Variants in TNPO3 observed in about 807,000 individuals in gnomAD.
TNPO3 encodes transportin 3, also known as transportin-3.
TNPO3 carries 65 observed loss-of-function variants against 122.8 expected under a neutral mutation model. The observed-to-expected ratio is 0.53, with a 90% confidence interval of 0.43 to 0.65. The LOEUF is 0.65. Among genes scored for constraint, TNPO3 ranks in the 30% least tolerant of loss-of-function variants. The pLI, the probability that TNPO3 is intolerant of heterozygous loss-of-function variation, is 0.00. For missense variants in TNPO3, 850 were observed against 1,136.7 expected (o/e 0.75, Z 3.63); for synonymous variants, 372 against 411.2 (o/e 0.90, Z 1.15).
intron 1 of TNPO3, among the ~76,000 whole-genome samples, chr7:129,051,869 CCT>C (rs899292502): frequency 6.4e-4 from 98 of 152,180 alleles, no homozygotes; most frequent in African/African-American, 2.3e-3. Flanking sequence ...GTCTCAAACC[CCT>C]GACCTCAAGC....
intron 5 of TNPO3, among the ~76,000 whole-genome samples, chr7:129,003,834 CTAAT>C (rs927508937): frequency 2.0e-5 from 3 of 152,202 alleles, no homozygotes; most frequent in Non-Finnish European, 2.9e-5. Context: ...TCCTGGAACA[CTAAT>C]TAACTTCTTC....
chr7:128,969,980 C>T (rs78500318), intron 20 of TNPO3, among the ~76,000 whole-genome samples, 168 bp downstream of exon 20: 228 of 152,310 alleles, frequency 1.5e-3, no homozygotes, highest in African/African-American at 5.4e-3. Flanking sequence ...TAATAAATTA[C>T]TGATCTTTAC....
chr7:129,035,960 T>C (rs1396360769), intron 1 of TNPO3, among the ~76,000 whole-genome samples: 4 of 147,056 alleles, frequency 2.7e-5, no homozygotes, highest in Non-Finnish European at 4.5e-5. Context: ...CTTTTTTTTT[T>C]TTTTTTTTTT....
At chr7:128,959,984 G>A (rs754497620) in intron 21 of TNPO3, among the ~76,000 whole-genome samples, 9 of 152,062 alleles carry the variant, frequency 5.9e-5, no homozygotes, top group South Asian at 2.1e-4. Flanking sequence ...TCACACCACC[G>A]CACTTCAGCC....
At chr7:128,975,407 A>G (rs1454092169) in intron 17 of TNPO3, among the ~76,000 whole-genome samples, 1 of 152,248 alleles carries the variant, frequency 6.6e-6, no homozygotes, top group Non-Finnish European at 1.5e-5. Context: ...AGGGAAAAGC[A>G]GTATCTGAGG....
At chr7:128,970,074 G>T in intron 20 of TNPO3, 74 bp downstream of exon 20, 1 of 1,579,482 alleles carries the variant, frequency 6.3e-7, no homozygotes, top group East Asian at 2.2e-5. Flanking sequence ...TTCAAAATTA[G>T]GGTTGGCCTT....
intron 15 of TNPO3, among the ~76,000 whole-genome samples, chr7:128,979,457 C>A (rs1459583596): frequency 6.6e-6 from 1 of 152,120 alleles, no homozygotes; most frequent in African/African-American, 2.4e-5. Context: ...AAAGATAGTT[C>A]CTGGAAGGTG....
chr7:128,957,304 C>T lies in TNPO3; in HGVS notation c.2723G>A (p.Cys908Tyr). Reference protein sequence around the residue: ...FHKQVTSAEECKQVCWALRDF... With the variant: ...FHKQVTSAEEYKQVCWALRDF... ...TCGCAAGGCCCAGCAAACTTGTTTA[C>T]ATTCCTCAGCACTAGAAAAGAAAAG... The change falls in exon 22 of 23, where the codon TGT becomes TAT. Residue 908 changes from cysteine (C) to tyrosine (Y), a missense_variant. Physicochemically the swap from Cys to Tyr is radical, Grantham distance 194 (BLOSUM62 -2). Transcript: ENST00000265388. 6.2e-7 allele frequency: 1 copy of T among 1,614,182 alleles called. No homozygotes were observed. Among genetic ancestry groups the T allele is most frequent in the Non-Finnish European group, 8.5e-7 (1 of 1,180,006 alleles).
chr7:129,053,525 C>T (rs1809067385), intron 1 of TNPO3, among the ~76,000 whole-genome samples: 1 of 148,698 alleles, frequency 6.7e-6, no homozygotes, highest in African/African-American at 2.5e-5. Flanking sequence ...GGCAAAGTTG[C>T]TCCATACCAA....
rs1400881026 is a variant in TNPO3 at position 128,979,117 on chromosome 7, G to A, written c.1927C>T (p.Pro643Ser). Residue 643 changes from proline (P) to serine (S), a missense_variant, in exon 16 of 23, where the codon CCA (proline) becomes TCA (serine). Transcript: ENST00000265388. ...PCQKVIQEIW[P>S]VLSETLNKHR... ...TTATTTAGAGTCTCGGATAAAACTG[G>A]CCATATCTGGGTCAAAAGTAAAAGA... 4 of 1,613,844 alleles carry A rather than the reference G, an allele frequency of 2.5e-6. No homozygotes were observed. Among genetic ancestry groups the A allele is most frequent in the African/African-American group, 1.3e-5 (1 of 74,910 alleles).
At chr7:128,961,317 T>C (rs1474806559) in intron 21 of TNPO3, among the ~76,000 whole-genome samples, 2 of 152,152 alleles carry the variant, frequency 1.3e-5, no homozygotes, top group Non-Finnish European at 2.9e-5. Flanking sequence ...TGTTTAGATA[T>C]GTTTGGATAT....
At chr7:129,021,518 A>C (rs948228334) in intron 1 of TNPO3, among the ~76,000 whole-genome samples, 7 of 152,174 alleles carry the variant, frequency 4.6e-5, no homozygotes, top group Admixed American at 6.5e-5. Flanking sequence ...ATGAAAAAAA[A>C]CAAAATAATA....
At chr7:129,021,187 C>T (rs918714101) in intron 1 of TNPO3, among the ~76,000 whole-genome samples, 1 of 152,042 alleles carries the variant, frequency 6.6e-6, no homozygotes, top group Non-Finnish European at 1.5e-5. Context: ...GAAACCCCGT[C>T]TCTACTAAAA....
chr7:129,042,418 T>C (rs927180644), intron 1 of TNPO3, among the ~76,000 whole-genome samples: 3 of 152,106 alleles, frequency 2.0e-5, no homozygotes, highest in Non-Finnish European at 4.4e-5. Context: ...CAAAACAATA[T>C]TTTAGATATA....
intron 5 of TNPO3, 142 bp downstream of exon 5, chr7:129,004,874 T>C (rs1318002490): frequency 1.9e-5 from 14 of 728,978 alleles, no homozygotes; most frequent in Non-Finnish European, 3.1e-5. Flanking sequence ...TGGTACCTCG[T>C]AGCAAGGAAG....
chr7:129,036,371 C>T (rs989340335), intron 1 of TNPO3, among the ~76,000 whole-genome samples: 5 of 152,036 alleles, frequency 3.3e-5, no homozygotes, highest in South Asian at 4.1e-4. Flanking sequence ...TGTGCACCAC[C>T]GTACCTGTCT....
intron 11 of TNPO3, 125 bp from the exon 12 acceptor site, chr7:128,987,045 G>A: frequency 1.0e-6 from 1 of 954,070 alleles, no homozygotes; most frequent in Non-Finnish European, 1.5e-6. Context: ...AAAGTGAAAT[G>A]TGTTCAGAAC....
intron 1 of TNPO3, among the ~76,000 whole-genome samples, chr7:129,024,011 A>G (rs915194937): frequency 6.6e-6 from 1 of 152,198 alleles, no homozygotes; most frequent in East Asian, 1.9e-4. Flanking sequence ...TGCGAATATA[A>G]TGCTAATCCT....
chr7:129,036,873 A>T (rs1806750154), intron 1 of TNPO3, among the ~76,000 whole-genome samples: 1 of 152,224 alleles, frequency 6.6e-6, no homozygotes, highest in Non-Finnish European at 1.5e-5. Flanking sequence ...CCAAACAGCA[A>T]ATCAGACAAC....
Sources: gnomAD v4.1 joint callset for allele counts (sites outside exome capture counted in the v4.1 genomes callset) on GRCh38, gnomAD v4.1.1 for gene constraint, MANE v1.5 for transcripts, NCBI Gene and HGNC (gene_info 2026-07-23, HGNC 2026-07-21) for gene names.